STRN: variants seen among roughly 807,000 people sequenced by gnomAD.
The protein encoded by STRN is striatin, also known as protein phosphatase 2 regulatory subunit B'''alpha.
A neutral mutation model predicts 96.3 loss-of-function variants in STRN; 53 were observed. The observed-to-expected ratio is 0.55, with a 90% CI of 0.44 to 0.69. The LOEUF is 0.69. Among genes scored for constraint, STRN ranks in the 30% least tolerant of loss-of-function variants. The pLI is 0.00. For missense variants in STRN, 987 were observed against 963.9 expected, an observed-to-expected ratio of 1.02 and a Z score of -0.32; for synonymous variants, 428 against 355.9, an observed-to-expected ratio of 1.20 and a Z score of -2.28.
At chr2:36,861,773 A>G (rs911981529) in intron 12 of STRN, among the ~76,000 whole-genome samples, 5 of 151,118 alleles carry the variant, frequency 3.3e-5, no homozygotes, top group African/African-American at 1.2e-4. Flanking sequence ...ACTTCTCACA[A>G]AACTTTTTAA....
At chr2:36,904,984 T>C (rs1669783818) in intron 4 of STRN, among the ~76,000 whole-genome samples, 1 of 152,032 alleles carries the variant, frequency 6.6e-6, no homozygotes, top group South Asian at 2.1e-4. Context: ...TTTTTTTTTT[T>C]TTGAGATGAA....
At chr2:36,952,871 G>T (rs191760386) in intron 1 of STRN, among the ~76,000 whole-genome samples, 12 of 152,248 alleles carry the variant, frequency 7.9e-5, no homozygotes, top group East Asian at 7.7e-4. Flanking sequence ...ACATTCCTCA[G>T]GGAGCAGGTT....
intron 6 of STRN, among the ~76,000 whole-genome samples, chr2:36,894,959 G>C (rs921963785): frequency 6.6e-6 from 1 of 152,068 alleles, no homozygotes; most frequent in African/African-American, 2.4e-5. Flanking sequence ...ACTCCAAGAA[G>C]CCACTACCAA....
chr2:36,890,676 G>C (rs971836150), intron 7 of STRN, among the ~76,000 whole-genome samples: 1 of 151,790 alleles, frequency 6.6e-6, no homozygotes, highest in African/African-American at 2.4e-5. Flanking sequence ...TAGAGATGGG[G>C]TTTCACCAGG....
At position 36,838,553 on chromosome 2, in the gene STRN, T is replaced by A. The variant is rs906084143; in HGVS notation, c.*10903A>T. Reference sequence around the variant, plus strand: ...AGGATTTTTTTCTTTTTTCTACGTATTTTTTAATGTTACAATAGTTATTGC... The same window carrying A: ...AGGATTTTTTTCTTTTTTCTACGTAATTTTTAATGTTACAATAGTTATTGC... On this transcript the variant is annotated 3_prime_UTR_variant, in exon 18 of 18. Coordinates refer to ENST00000263918, the MANE Select transcript of STRN (RefSeq NM_003162.4). Among the ~76,000 whole-genome samples, 2 of 152,228 alleles carry A rather than the reference T, an allele frequency of 1.3e-5. No homozygotes were observed. Among genetic ancestry groups the A allele is most frequent in the Admixed American group, 1.3e-4 (2 of 15,288 alleles).
At chr2:36,866,530 G>C (rs1198746386) in intron 12 of STRN, among the ~76,000 whole-genome samples, 1 of 152,180 alleles carries the variant, frequency 6.6e-6, no homozygotes, top group Non-Finnish European at 1.5e-5. Context: ...TTGCAGTGGA[G>C]AGTTCTGTAG....
At chr2:36,887,004 T>C (rs984194294) in intron 7 of STRN, among the ~76,000 whole-genome samples, 178 bp from the exon 8 acceptor site, 1 of 150,376 alleles carries the variant, frequency 6.6e-6, no homozygotes, top group South Asian at 2.1e-4. Flanking sequence ...TAAGAAGAAA[T>C]GATCAGTGCA....
At position 36,878,041 on chromosome 2, in the gene STRN, A is replaced by G. The variant is rs1416545332; in HGVS notation, c.1187-14T>C. 6.2e-7 allele frequency: 1 copy of G among 1,610,838 alleles called. No homozygotes were observed. The highest frequency in any genetic ancestry group is 1.1e-5 in the South Asian group (1 of 90,262). On this transcript the variant is annotated splice_polypyrimidine_tract_variant and intron_variant, in intron 9 of 17. Transcript: ENST00000263918. ...TCAATGCTTCCACTGAAGAGGGAAG[A>G]CAAAGGAAACATTAAAAAATCTCTA...
At chr2:36,887,281 A>ATAAATAAG (rs1188113899) in intron 7 of STRN, among the ~76,000 whole-genome samples, 144 of 148,038 alleles carry the variant, frequency 9.7e-4, no homozygotes, top group African/African-American at 3.4e-3. Context: ...AAATAAATAA[A>ATAAATAAG]TAAATAAATA....
intron 1 of STRN, among the ~76,000 whole-genome samples, chr2:36,958,945 T>C (rs1664962672): frequency 6.6e-6 from 1 of 152,024 alleles, no homozygotes. Flanking sequence ...TGAAACCCCA[T>C]CTCTACCAAA....
intron 1 of STRN, among the ~76,000 whole-genome samples, chr2:36,954,740 G>A (rs972089846): frequency 6.6e-6 from 1 of 151,424 alleles, no homozygotes; most frequent in East Asian, 2.0e-4. Context: ...GGGTTCAAGC[G>A]ATTCTCCCTG....
intron 3 of STRN, among the ~76,000 whole-genome samples, chr2:36,906,301 C>CA (rs916707057): frequency 6.6e-6 from 1 of 151,190 alleles, no homozygotes; most frequent in African/African-American, 2.4e-5. Context: ...CCTGTCTCTA[C>CA]AAAAAAAATT....
intron 2 of STRN, among the ~76,000 whole-genome samples, chr2:36,921,502 C>A (rs569535024): frequency 7.9e-5 from 12 of 152,202 alleles, no homozygotes; most frequent in Admixed American, 7.2e-4. Context: ...TCTCATCATG[C>A]GTCCCCTTCA....
intron 9 of STRN, among the ~76,000 whole-genome samples, chr2:36,882,091 A>G (rs1440038077): frequency 6.6e-6 from 1 of 152,198 alleles, no homozygotes; most frequent in Admixed American, 6.5e-5. Context: ...TTAACCATGT[A>G]CTGGTCAAAA....
intron 1 of STRN, among the ~76,000 whole-genome samples, chr2:36,957,539 G>T (rs1664919206): frequency 6.6e-6 from 1 of 151,896 alleles, no homozygotes; most frequent in Non-Finnish European, 1.5e-5. Flanking sequence ...AGTAAGCCAA[G>T]ATCACACCAC....
At chr2:36,858,118 G>T (rs1558624026) in intron 13 of STRN, 95 bp from the exon 14 acceptor site, 5 of 926,924 alleles carry the variant, frequency 5.4e-6, no homozygotes, top group Middle Eastern at 2.3e-4. Flanking sequence ...AATAGCACCT[G>T]ATAACAGTAT....
At chr2:36,908,263 C>A (rs1044749241) in intron 3 of STRN, among the ~76,000 whole-genome samples, 2 of 152,212 alleles carry the variant, frequency 1.3e-5, no homozygotes, top group Non-Finnish European at 2.9e-5. Context: ...ATGCCATCCT[C>A]AAATATACTC....
At chr2:36,949,585 G>T (rs1380670635) in intron 1 of STRN, among the ~76,000 whole-genome samples, 1 of 152,172 alleles carries the variant, frequency 6.6e-6, no homozygotes, top group Non-Finnish European at 1.5e-5. Context: ...GTAATTAAAT[G>T]ATTAAAAATG....
At chr2:36,915,936 A>C in intron 3 of STRN, 142 bp downstream of exon 3, 1 of 690,652 alleles carries the variant, frequency 1.4e-6, no homozygotes, top group Non-Finnish European at 2.4e-6. Flanking sequence ...AATGACACTA[A>C]ATGGTGCCAA....
Sources: allele counts gnomAD v4.1 joint callset (sites outside exome capture counted in the v4.1 genomes callset), GRCh38; gene constraint gnomAD v4.1.1; transcripts MANE v1.5; gene names NCBI Gene and HGNC (gene_info 2026-07-23, HGNC 2026-07-21).